RBPJ: variants seen among roughly 807,000 people sequenced by gnomAD.
RBPJ encodes recombining binding protein suppressor of hairless.
A neutral mutation model predicts 67.8 loss-of-function variants in RBPJ; 9 were observed. The ratio of observed to expected loss-of-function variants is 0.13; its 90% CI spans 0.08 to 0.23. The LOEUF (loss-of-function observed/expected upper bound fraction) is 0.23. RBPJ is among the 10% of genes least tolerant of loss of function. RBPJ has a pLI of 1.00. For synonymous variants in RBPJ, 198 were observed against 203.3 expected (o/e 0.97, Z 0.22); for missense variants, 305 against 595.6 (o/e 0.51, Z 5.08).
chr4:26,231,465 G>T (rs1017638769), intron 1 of RBPJ, among the ~76,000 whole-genome samples: 1 of 150,606 alleles, frequency 6.6e-6, no homozygotes, highest in African/African-American at 2.4e-5. Flanking sequence ...AGGCTGGAGT[G>T]CAGTGGCAAG....
the RBPJ span, among the ~76,000 whole-genome samples, chr4:26,118,501 T>C: frequency 1.3e-5 from 2 of 152,128 alleles, no homozygotes; most frequent in Non-Finnish European, 2.9e-5. Flanking sequence ...GGAAGGTAGG[T>C]AGACTGGGCC....
the RBPJ span, among the ~76,000 whole-genome samples, chr4:26,109,425 C>CCTCTCT: frequency 1.1e-3 from 25 of 22,906 alleles, no homozygotes; most frequent in Non-Finnish European, 1.5e-3. Context: ...TCTCTCTCTC[C>CCTCTCT]CTCTCTCTCT....
At chr4:26,366,268 A>C (rs1235315468) in intron 1 of RBPJ, among the ~76,000 whole-genome samples, 1 of 151,506 alleles carries the variant, frequency 6.6e-6, no homozygotes, top group African/African-American at 2.4e-5. Flanking sequence ...TTACCAGATC[A>C]GTAGTTTTTT....
At chr4:26,155,497 C>T in the RBPJ span, among the ~76,000 whole-genome samples, 11 of 150,308 alleles carry the variant, frequency 7.3e-5, no homozygotes, top group East Asian at 9.8e-4. Flanking sequence ...TGCAGTGGCA[C>T]GATCTCAGCT....
chr4:26,210,471 C>A (rs12648486), intron 1 of RBPJ, among the ~76,000 whole-genome samples: 82,597 of 151,950 alleles, frequency 0.54, 22,750 homozygotes, highest in East Asian at 0.69. Flanking sequence ...AAGCCATTCC[C>A]ATCGCATCAA....
chr4:26,110,611 C>T, the RBPJ span, among the ~76,000 whole-genome samples: 12 of 152,132 alleles, frequency 7.9e-5, no homozygotes, highest in Non-Finnish European at 1.5e-4. The surrounding 1 kb of genome is among the most constrained non-coding windows in gnomAD (Gnocchi z 4.5). Context: ...AAAGAATAAC[C>T]GGAAACACAA....
At chr4:26,241,401 G>T (rs548680688) in intron 1 of RBPJ, among the ~76,000 whole-genome samples, 1 of 152,084 alleles carries the variant, frequency 6.6e-6, no homozygotes, top group Non-Finnish European at 1.5e-5. Flanking sequence ...GAAAATTCCA[G>T]GCAAACTCAG....
chr4:26,283,018 C>T (rs1159224770), intron 1 of RBPJ, among the ~76,000 whole-genome samples: 1 of 141,210 alleles, frequency 7.1e-6, no homozygotes, highest in African/African-American at 2.6e-5. Context: ...GCAAGCTCCT[C>T]CTCCCGGGTT....
the RBPJ span, among the ~76,000 whole-genome samples, chr4:26,157,850 T>C: frequency 3.3e-5 from 5 of 152,180 alleles, no homozygotes; most frequent in African/African-American, 9.7e-5. Context: ...AGTCACATGG[T>C]AACAACAGGT....
Position 26,433,460 on chromosome 4 carries a change from C to G in RBPJ, c.*2453C>G, listed in dbSNP as rs1474168536. The G allele has an allele frequency of 7.2e-5, 11 of 152,124 alleles. No individual in the cohort carries two copies. The highest frequency in any genetic ancestry group is 7.2e-4 in the Admixed American group (11 of 15,282). 9.4% of individuals were successfully genotyped at this position (152,124 alleles called of 1,614,324 possible). On this transcript the variant is annotated 3_prime_UTR_variant, in exon 11 of 11. Transcript: ENST00000355476. ...TTTTGAAGAACAAACTATTCCTTAC[C>G]CATTTTTGTAGCTCAAAAATAATTT...
At chr4:26,269,276 C>A (rs988113543) in intron 1 of RBPJ, among the ~76,000 whole-genome samples, 1 of 147,770 alleles carries the variant, frequency 6.8e-6, no homozygotes, top group African/African-American at 2.5e-5. Flanking sequence ...ATTTTTTTGA[C>A]ACAGGGTCTC....
intron 1 of RBPJ, among the ~76,000 whole-genome samples, chr4:26,184,740 G>A (rs997237699): frequency 1.3e-5 from 2 of 152,192 alleles, no homozygotes; most frequent in Non-Finnish European, 2.9e-5. Flanking sequence ...AGTATCCTAC[G>A]TAATATTAAG....
At chr4:26,186,289 A>G (rs780451558) in intron 1 of RBPJ, among the ~76,000 whole-genome samples, 1 of 150,160 alleles carries the variant, frequency 6.7e-6, no homozygotes, top group Non-Finnish European at 1.5e-5. Context: ...TAATCTCTCT[A>G]TGCCTCAGTT....
At position 26,254,843 on chromosome 4, in the gene RBPJ, A is replaced by ATTTTT. The variant is rs71643604; in HGVS notation, c.-167+91262_-167+91266dup. On this transcript the variant is annotated intron_variant, in intron 1 of 4. Coordinates refer to the RBPJ transcript ENST00000512351. ...CAGGTGCATGCCACCATGCCCAGCT[A>ATTTTT]TTTTTTTTTTTTTTTTTTTTTTTTT... Among the ~76,000 whole-genome samples, 78 of 16,548 alleles carry ATTTTT rather than the reference A, an allele frequency of 4.7e-3. 34 individuals carry two copies. The highest frequency in any genetic ancestry group is 0.012 in the Admixed American group (15 of 1,296). 10.9% of individuals were successfully genotyped at this position (16,548 alleles called of 152,430 possible).
chr4:26,397,975 G>A (rs1306989722), intron 2 of RBPJ, among the ~76,000 whole-genome samples: 3 of 151,874 alleles, frequency 2.0e-5, no homozygotes, highest in Non-Finnish European at 4.4e-5. Flanking sequence ...TAGCTCCTAG[G>A]GGGCACAAAA....
chr4:26,271,179 T>C (rs1720905813), intron 1 of RBPJ, among the ~76,000 whole-genome samples: 1 of 152,186 alleles, frequency 6.6e-6, no homozygotes. Flanking sequence ...TAGCTGGAAC[T>C]ACAGATGCAT....
intron 1 of RBPJ, among the ~76,000 whole-genome samples, chr4:26,356,922 A>G (rs1727448765): frequency 6.6e-6 from 1 of 152,230 alleles, no homozygotes; most frequent in African/African-American, 2.4e-5. Context: ...AATCGAATAG[A>G]TATCATTCGA....
At chr4:26,356,248 A>G (rs1478356673) in intron 1 of RBPJ, among the ~76,000 whole-genome samples, 1 of 152,216 alleles carries the variant, frequency 6.6e-6, no homozygotes, top group Admixed American at 6.5e-5. Flanking sequence ...ACTTTTAGCT[A>G]GGGAGCTTGT....
chr4:26,420,459 C>T, intron 4 of RBPJ, 92 bp from the exon 5 acceptor site: 2 of 781,284 alleles, frequency 2.6e-6, no homozygotes, highest in East Asian at 3.0e-5. Context: ...AATTGTTTTA[C>T]TTATTACTTA....
Sources: gnomAD v4.1 joint callset for allele counts (sites outside exome capture counted in the v4.1 genomes callset) on GRCh38, gnomAD v4.1.1 for gene constraint, Gnocchi (gnomAD v3.1) non-coding constraint, MANE v1.5 for transcripts, NCBI Gene and HGNC (gene_info 2026-07-23, HGNC 2026-07-21) for gene names.